SSH1: variants seen among roughly 807,000 people sequenced by gnomAD.
The protein encoded by SSH1 is protein phosphatase Slingshot homolog 1.
Under a neutral mutation model 79.7 loss-of-function variants are expected in SSH1, and 43 were observed. The ratio of observed to expected loss-of-function variants is 0.54; its 90% CI spans 0.42 to 0.70. The LOEUF (loss-of-function observed/expected upper bound fraction) is 0.70, where lower values mean the gene tolerates loss of function less well. Among genes scored for constraint, SSH1 ranks in the 30% least tolerant of loss-of-function variants. The pLI is 0.00. For missense variants in SSH1, 1,206 were observed against 1,358.8 expected (o/e 0.89, Z 1.77); for synonymous variants, 599 against 538.3 (o/e 1.11, Z -1.56).
rs771851158 is a variant in SSH1 at position 108,792,489 on chromosome 12, A to G, written c.1690T>C (p.Cys564Arg). 9.3e-6 allele frequency: 15 copies of G among 1,614,076 alleles called. No homozygotes were observed. The highest frequency in any genetic ancestry group is 4.4e-5 in the South Asian group (4 of 91,086). The change falls in exon 14 of 15, where the codon TGT becomes CGT. Residue 564 changes from cysteine (C) to arginine (R), a missense_variant. Physicochemically the swap from Cys to Arg is radical, Grantham distance 180 (BLOSUM62 -3). Coordinates refer to ENST00000326495, the MANE Select transcript of SSH1 (RefSeq NM_018984.4). ...AGTTTCTTCTTCACATCCTTCTCAC[A>G]GAGTCCGGAACCTTGCTGGGGCTGT... ...ARQPQQGSGL[C>R]EKDVKKKLEF...
In SSH1 at chr12:108,788,898, G is replaced by A; in HGVS notation, c.2240C>T (p.Thr747Ile). Residue 747 changes from threonine to isoleucine, a missense_variant, in exon 15 of 15, where the codon ACC becomes ATC. Thr to Ile is a moderately conservative substitution (Grantham distance 89). Coordinates refer to ENST00000326495, the MANE Select transcript of SSH1 (RefSeq NM_018984.4). Reference sequence around the variant, plus strand: ...GAGGGACTTTGGCAGGACTTTTGGGGTCTCTCTGGAAGGTTCCAAAAGGCT... The same window carrying A: ...GAGGGACTTTGGCAGGACTTTTGGGATCTCTCTGGAAGGTTCCAAAAGGCT... The part of the protein sequence containing the change: ...PASLLEPSRE[T>I]PKVLPKSLLL... The A allele has an allele frequency of 6.2e-7, 1 of 1,614,226 alleles. No individual in the cohort carries two copies. Among genetic ancestry groups the A allele is most frequent in the Non-Finnish European group, 8.5e-7 (1 of 1,180,042 alleles).
At chr12:108,823,173 C>T in intron 3 of SSH1, 85 bp downstream of exon 3, 2 of 1,361,866 alleles carry the variant, frequency 1.5e-6, no homozygotes, top group East Asian at 2.5e-5. Flanking sequence ...GGCCTTCAAA[C>T]TCAGCAACAT....
chr12:108,803,484 C>T, intron 10 of SSH1, among the ~76,000 whole-genome samples: 1 of 137,378 alleles, frequency 7.3e-6, no homozygotes, highest in South Asian at 2.6e-4. Context: ...CCCAAGTTCC[C>T]AAGAGGGCAG....
chr12:108,855,418 G>C (rs1033669313), intron 1 of SSH1, among the ~76,000 whole-genome samples: 7 of 152,208 alleles, frequency 4.6e-5, no homozygotes, highest in Non-Finnish European at 7.3e-5. Context: ...TCTGGAATTA[G>C]ATGGTGGTGG....
At chr12:108,854,926 AG>A (rs1373835767) in intron 1 of SSH1, among the ~76,000 whole-genome samples, 3 of 152,214 alleles carry the variant, frequency 2.0e-5, no homozygotes, top group Non-Finnish European at 4.4e-5. Flanking sequence ...CATCTGAACG[AG>A]GGCCTTGCCT....
At chr12:108,840,047 G>A (rs377381833) in intron 2 of SSH1, among the ~76,000 whole-genome samples, 3 of 152,194 alleles carry the variant, frequency 2.0e-5, no homozygotes, top group South Asian at 2.1e-4. Flanking sequence ...CTGACCACAC[G>A]CAGGCTCTCC....
intron 12 of SSH1, 132 bp from the exon 13 acceptor site, chr12:108,799,332 GCCGAAAT>G (rs2036887999): frequency 1.4e-6 from 1 of 727,544 alleles, no homozygotes; most frequent in Non-Finnish European, 2.2e-6. Context: ...ATATCTTACT[GCCGAAAT>G]CCTCCTACGT....
chr12:108,806,734 C>A (rs1381893662), intron 8 of SSH1, among the ~76,000 whole-genome samples: 1 of 152,218 alleles, frequency 6.6e-6, no homozygotes, highest in Non-Finnish European at 1.5e-5. Flanking sequence ...CACGTGTGGG[C>A]ATGAGGACCT....
chr12:108,814,055 C>A (rs1351539367), intron 5 of SSH1, among the ~76,000 whole-genome samples: 3 of 152,102 alleles, frequency 2.0e-5, no homozygotes, highest in Non-Finnish European at 4.4e-5. Context: ...GAAACCCTGT[C>A]TCTACTAAAA....
At position 108,792,673 on chromosome 12, in the gene SSH1, G is replaced by A. The variant is rs928602687; in HGVS notation, c.1506C>T (p.Gly502=). Residue 502 remains glycine (G), a synonymous_variant, in exon 14 of 15, where the codon GGC becomes GGT. Transcript: ENST00000326495. ...AACAGCAGGGGAGGGGGGGCCCTAAGCCGGGCTGGGCGGCATCATCCAAGA... is the reference window on the plus strand; with the variant it reads ...AACAGCAGGGGAGGGGGGGCCCTAAACCGGGCTGGGCGGCATCATCCAAGA... The part of the protein sequence containing the change: ...LPFLDDAAQP[G]LGPPLPCCFR... 2 of 1,612,176 alleles carry A rather than the reference G, an allele frequency of 1.2e-6. No individual in the cohort carries two copies. The highest frequency in any genetic ancestry group is 1.7e-6 in the Non-Finnish European group (2 of 1,180,008).
At chr12:108,799,397 C>T (rs112019814) in intron 12 of SSH1, among the ~76,000 whole-genome samples, 197 bp from the exon 13 acceptor site, 4,873 of 152,248 alleles carry the variant, frequency 0.032, 88 homozygotes, top group Non-Finnish European at 0.045. Context: ...AAGGAAATAC[C>T]ACCACTGTAG....
At chr12:108,816,411 A>G (rs1182889202) in intron 5 of SSH1, among the ~76,000 whole-genome samples, 1 of 152,252 alleles carries the variant, frequency 6.6e-6, no homozygotes, top group African/African-American at 2.4e-5. Flanking sequence ...AGGTTTTGCA[A>G]TGATCTCACA....
At position 108,782,762 on chromosome 12, in the gene SSH1, G is replaced by C. The variant is rs1297283583; in HGVS notation, c.*5226C>G. The C allele has an allele frequency of 6.6e-6, 1 of 151,438 alleles. No individual in the cohort carries two copies. The highest frequency in any genetic ancestry group is 2.4e-5 in the African/African-American group (1 of 41,244). 9.4% of individuals were successfully genotyped at this position (151,438 alleles called of 1,614,324 possible). ...ACACTATATACAATACACACCAACA[G>C]AAGTAAAAAAAAAGTGCATTCTGCA... On this transcript the variant is annotated 3_prime_UTR_variant, in exon 15 of 15. Coordinates refer to ENST00000326495, the MANE Select transcript of SSH1 (RefSeq NM_018984.4).
chr12:108,819,601 G>A (rs1266865337), intron 3 of SSH1, among the ~76,000 whole-genome samples: 1 of 152,152 alleles, frequency 6.6e-6, no homozygotes, highest in African/African-American at 2.4e-5. Context: ...GGCCGAGGCA[G>A]GAGACTCACT....
rs1409459623 is a variant in SSH1 at position 108,780,738 on chromosome 12, A to G, written c.*7250T>C. The G allele has an allele frequency of 6.6e-6, 1 of 152,222 alleles. No homozygotes were observed. Among genetic ancestry groups the G allele is most frequent in the East Asian group, 1.9e-4 (1 of 5,192 alleles). 9.4% of individuals were successfully genotyped at this position (152,222 alleles called of 1,614,324 possible). ...GAGGGCTGCATTATAGCTTGATAACACTATTAGAAGCATCCTGTGGCTTGG... is the reference window on the plus strand; with the variant it reads ...GAGGGCTGCATTATAGCTTGATAACGCTATTAGAAGCATCCTGTGGCTTGG... On this transcript the variant is annotated 3_prime_UTR_variant, in exon 15 of 15. Coordinates refer to ENST00000326495, the MANE Select transcript of SSH1 (RefSeq NM_018984.4).
At chr12:108,805,391 G>A (rs2037221753) in intron 9 of SSH1, among the ~76,000 whole-genome samples, 1 of 152,096 alleles carries the variant, frequency 6.6e-6, no homozygotes, top group Non-Finnish European at 1.5e-5. Context: ...AAACCCAACT[G>A]GGTAAAGTTT....
chr12:108,852,049 AAAT>A (rs1290925208), intron 2 of SSH1, among the ~76,000 whole-genome samples: 2 of 152,112 alleles, frequency 1.3e-5, no homozygotes, highest in Non-Finnish European at 2.9e-5. Context: ...CTCTATTAGA[AAAT>A]AATAAGTTAC....
chr12:108,802,006 C>T (rs1369239897), intron 11 of SSH1, among the ~76,000 whole-genome samples: 1 of 152,016 alleles, frequency 6.6e-6, no homozygotes, highest in Non-Finnish European at 1.5e-5. Context: ...GGCAGGGAAG[C>T]GGGGTGGGGG....
chr12:108,789,346 G>A, intron 14 of SSH1, 102 bp from the exon 15 acceptor site: 1 of 1,231,350 alleles, frequency 8.1e-7, no homozygotes. Flanking sequence ...CCGGACTGGG[G>A]GCCAGGCCTG....
Sources: allele counts gnomAD v4.1 joint callset (sites outside exome capture counted in the v4.1 genomes callset), GRCh38; gene constraint gnomAD v4.1.1; transcripts MANE v1.5; gene names NCBI Gene and HGNC (gene_info 2026-07-23, HGNC 2026-07-21).